PPIL1: variants seen among roughly 807,000 people sequenced by gnomAD.
PPIL1 encodes the protein peptidyl-prolyl cis-trans isomerase-like 1.
A neutral mutation model predicts 19.4 loss-of-function variants in PPIL1; 14 were observed. The observed-to-expected ratio is 0.72, with a 90% confidence interval of 0.48 to 1.13. The LOEUF is 1.13. Ranked by LOEUF, PPIL1 falls within the 50% of genes most tolerant of loss-of-function variation. PPIL1 has a pLI of 0.00. For synonymous variants in PPIL1, 72 were observed against 73.6 expected, an observed-to-expected ratio of 0.98 and a Z score of 0.11; for missense variants, 192 against 218.0, an observed-to-expected ratio of 0.88 and a Z score of 0.75.
intron 1 of PPIL1, 124 bp downstream of exon 1, chr6:36,874,593 C>T: frequency 2.3e-6 from 3 of 1,322,650 alleles, no homozygotes; most frequent in Non-Finnish European, 3.2e-6. Flanking sequence ...CCGTCTCGGC[C>T]GCTGCTCCAC....
chr6:36,859,377 A>T (rs1774231257), intron 2 of PPIL1, among the ~76,000 whole-genome samples: 1 of 147,544 alleles, frequency 6.8e-6, no homozygotes, highest in Admixed American at 7.0e-5. Context: ...GTGAGCTGAG[A>T]TCGCACCACT....
intron 2 of PPIL1, among the ~76,000 whole-genome samples, chr6:36,859,218 A>C (rs531964378): frequency 6.6e-6 from 1 of 152,238 alleles, no homozygotes; most frequent in East Asian, 1.9e-4. Flanking sequence ...TGAGGTCAGG[A>C]GTTTGAGACC....
In PPIL1 at chr6:36,855,803, G is replaced by A. The variant is rs747674364; in HGVS notation, c.*10C>T. ...CCATCTCAGAAGAGCTGCTCAAGAG[G>A]GTAGCAAGTCTACCCAGAAGGGTAT... On this transcript the variant is annotated 3_prime_UTR_variant, in exon 4 of 4. Transcript: ENST00000373699. The A allele has an allele frequency of 6.2e-7, 1 of 1,613,266 alleles. No homozygotes were observed. Among genetic ancestry groups the A allele is most frequent in the South Asian group, 1.1e-5 (1 of 91,056 alleles).
In PPIL1 at chr6:36,855,840, C is replaced by A. The variant is rs756710132; in HGVS notation, c.474G>T (p.Lys158Asn). The part of the protein sequence containing the change: ...NSQDRPVDDV[K>N]IIKAYPSG ...ACCCAGAAGGGTATGCCTTAATGAT[C>A]TTCACGTCGTCCACAGGGCGGTCCT... Residue 158 changes from lysine to asparagine, a missense_variant, in exon 4 of 4, where the codon AAG (lysine) becomes AAT (asparagine). Lys to Asn is a moderately conservative substitution (Grantham distance 94, BLOSUM62 0). Coordinates refer to ENST00000373699, the MANE Select transcript of PPIL1 (RefSeq NM_016059.5). 1.2e-6 allele frequency: 2 copies of A among 1,614,188 alleles called. No homozygotes were observed. The highest frequency in any genetic ancestry group is 1.7e-5 in the Admixed American group (1 of 60,030).
At chr6:36,859,525 C>A (rs1429957115) in intron 2 of PPIL1, among the ~76,000 whole-genome samples, 4 of 151,012 alleles carry the variant, frequency 2.6e-5, no homozygotes, top group Non-Finnish European at 5.9e-5. Flanking sequence ...GCAGAGTTTT[C>A]ATAATATCTT....
intron 2 of PPIL1, among the ~76,000 whole-genome samples, chr6:36,863,398 C>T (rs879874054): frequency 2.1e-4 from 32 of 152,148 alleles, no homozygotes; most frequent in Non-Finnish European, 4.3e-4. Context: ...CACCTCCCTT[C>T]CCTAAGACAC....
intron 2 of PPIL1, among the ~76,000 whole-genome samples, chr6:36,868,473 A>T (rs1354891558): frequency 1.3e-5 from 2 of 152,218 alleles, no homozygotes; most frequent in Non-Finnish European, 2.9e-5. Flanking sequence ...CAGAAATAGA[A>T]ATCAAAAAAT....
At chr6:36,860,848 T>G (rs554726055) in intron 2 of PPIL1, among the ~76,000 whole-genome samples, 30 of 150,458 alleles carry the variant, frequency 2.0e-4, no homozygotes, top group Non-Finnish European at 4.1e-4. Flanking sequence ...AAAAAAAAAG[T>G]ATTGTTGTTT....
chr6:36,856,372 T>TA (rs772403872), intron 3 of PPIL1, among the ~76,000 whole-genome samples: 2 of 152,212 alleles, frequency 1.3e-5, no homozygotes, highest in East Asian at 1.9e-4. Context: ...AACAAGTAGT[T>TA]AGAGTCTAGA....
intron 2 of PPIL1, among the ~76,000 whole-genome samples, chr6:36,865,576 C>T (rs1774379300): frequency 6.6e-6 from 1 of 152,164 alleles, no homozygotes; most frequent in Non-Finnish European, 1.5e-5. Context: ...CACCCTTCTT[C>T]CTAAATTCAA....
rs751632638 is a variant in PPIL1 at position 36,855,774 on chromosome 6, G to C, written c.*39C>G. On this transcript the variant is annotated 3_prime_UTR_variant, in exon 4 of 4. Coordinates refer to ENST00000373699, the MANE Select transcript of PPIL1 (RefSeq NM_016059.5). The stretch of plus-strand genomic sequence containing the variant: ...TATGTCATCTAGAAGCTGGTTCACT[G>C]GGGCCATCTCAGAAGAGCTGCTCAA... 6.3e-7 allele frequency: 1 copy of C among 1,591,682 alleles called. No homozygotes were observed. The highest frequency in any genetic ancestry group is 2.2e-5 in the East Asian group (1 of 44,716).
chr6:36,864,286 A>G lies in PPIL1; in HGVS notation c.211+7432T>C, dbSNP rs374790386. Among the ~76,000 whole-genome samples, 4 of 152,022 alleles carry G rather than the reference A, an allele frequency of 2.6e-5. No homozygotes were observed. In the East Asian group the frequency reaches 5.8e-4, roughly 22 times the overall value. On this transcript the variant is annotated intron_variant, in intron 2 of 3. Transcript: ENST00000373699. ...GTATCACTCTGAGAACAAAATCCAC[A>G]ATCCTCACCACAGCTTACAACACCC...
intron 2 of PPIL1, among the ~76,000 whole-genome samples, chr6:36,862,525 A>G (rs532227463): frequency 3.3e-5 from 5 of 152,068 alleles, no homozygotes; most frequent in African/African-American, 1.2e-4. Context: ...AAACAGACAT[A>G]CTCTTTTGTC....
chr6:36,870,929 T>G (rs1303253321), intron 2 of PPIL1, among the ~76,000 whole-genome samples: 1 of 152,140 alleles, frequency 6.6e-6, no homozygotes, highest in Non-Finnish European at 1.5e-5. Flanking sequence ...CAGCCTAGAG[T>G]GATCCTTTTA....
At chr6:36,872,811 T>A (rs1404761297) in intron 1 of PPIL1, among the ~76,000 whole-genome samples, 1 of 152,192 alleles carries the variant, frequency 6.6e-6, no homozygotes, top group Non-Finnish European at 1.5e-5. Flanking sequence ...GGTTTCACCA[T>A]GTTGCCCGGG....
chr6:36,871,678 A>G, intron 2 of PPIL1, 40 bp downstream of exon 2: 1 of 1,559,744 alleles, frequency 6.4e-7, no homozygotes. Context: ...AAAAGGAGAA[A>G]AAAAAAAGAA....
chr6:36,856,743 A>G (rs1774175802), intron 2 of PPIL1, 89 bp from the exon 3 acceptor site: 1 of 1,261,318 alleles, frequency 7.9e-7, no homozygotes, highest in Non-Finnish European at 1.2e-6. Flanking sequence ...AGGATTTCTC[A>G]GAGTAGAGGA....
chr6:36,860,702 A>G (rs12110674), intron 2 of PPIL1, among the ~76,000 whole-genome samples: 241 of 150,246 alleles, frequency 1.6e-3, no homozygotes, highest in African/African-American at 5.5e-3. Flanking sequence ...GGTAACCACT[A>G]TTCTGACAAG....
At chr6:36,874,248 G>A (rs1774585648) in intron 1 of PPIL1, among the ~76,000 whole-genome samples, 1 of 152,214 alleles carries the variant, frequency 6.6e-6, no homozygotes, top group South Asian at 2.1e-4. Context: ...ATCACTCTTT[G>A]ATAGTGGGGA....
Sources: allele counts gnomAD v4.1 joint callset (sites outside exome capture counted in the v4.1 genomes callset), GRCh38; gene constraint gnomAD v4.1.1; transcripts MANE v1.5; gene names NCBI Gene and HGNC (gene_info 2026-07-23, HGNC 2026-07-21).